The following ZNF254 variants were observed in gnomAD, a reference collection of about 807,000 sequenced individuals.
The protein encoded by ZNF254 is zinc finger protein 254.
In ZNF254, 10 loss-of-function variants were observed where a neutral mutation model predicts 12.4. The ratio of observed to expected loss-of-function variants is 0.80; its 90% CI spans 0.50 to 1.36. ZNF254 has a LOEUF of 1.36. Ranked by LOEUF, ZNF254 falls within the 40% of genes most tolerant of loss-of-function variation. ZNF254 has a pLI of 0.00. For synonymous variants in ZNF254, 305 were observed against 253.4 expected (o/e 1.20, Z -1.93); for missense variants, 996 against 763.9 (o/e 1.30, Z -3.58).
At chr19:24,055,990 T>C (rs1327532306) in intron 2 of ZNF254, among the ~76,000 whole-genome samples, 2 of 152,180 alleles carry the variant, frequency 1.3e-5, no homozygotes, top group African/African-American at 4.8e-5. Context: ...AGCACCTGAG[T>C]GATCTGACTC....
chr19:24,113,588 G>A (rs1337548437), intron 3 of ZNF254, among the ~76,000 whole-genome samples: 1 of 152,044 alleles, frequency 6.6e-6, no homozygotes, highest in South Asian at 2.1e-4. Flanking sequence ...ATACTGAATG[G>A]GCAAAAACTG....
chr19:24,070,947 A>C (rs1971458337), intron 2 of ZNF254, among the ~76,000 whole-genome samples: 1 of 152,128 alleles, frequency 6.6e-6, no homozygotes, highest in South Asian at 2.1e-4. Context: ...AGGTAATATG[A>C]ATCTCCTACC....
At chr19:24,066,332 G>A (rs1971268666) in intron 2 of ZNF254, 1 of 152,132 alleles carries the variant, frequency 6.6e-6, no homozygotes, top group African/African-American at 2.4e-5. Flanking sequence ...CTTGCTTACA[G>A]GGAAACTGTA....
Position 24,127,180 on chromosome 19 carries a change from A to T in ZNF254, c.1180A>T (p.Thr394Ser), listed in dbSNP as rs1008584926. Reference protein sequence around the residue: ...GKAFKQLSTLTTHKIIHVGEK... With the variant: ...GKAFKQLSTLSTHKIIHVGEK... Reference sequence around the variant, plus strand: ...AGCTTTTAAGCAACTCTCAACTCTTACTACACATAAAATAATTCATGTTGG... The same window carrying T: ...AGCTTTTAAGCAACTCTCAACTCTTTCTACACATAAAATAATTCATGTTGG... Residue 394 changes from threonine to serine, a missense_variant, in exon 4 of 4, where the codon ACT (threonine) becomes TCT (serine). Transcript: ENST00000357002. The T allele has an allele frequency of 6.2e-6, 10 of 1,613,580 alleles. No homozygotes were observed. The highest frequency in any genetic ancestry group is 7.6e-6 in the Non-Finnish European group (9 of 1,179,770).
In ZNF254 at chr19:24,087,210, G is replaced by T; in HGVS notation, c.-98G>T. 1 of 1,541,690 alleles carries T rather than the reference G, an allele frequency of 6.5e-7. No individual in the cohort carries two copies. On this transcript the variant is annotated 5_prime_UTR_variant, in exon 1 of 4. Coordinates refer to ENST00000357002, the MANE Select transcript of ZNF254 (RefSeq NM_203282.4). ...GGGCCTTTGTCTCTCGCTGTCGCCG[G>T]AGTCCCAGGTCTGTCTTCACTGCTC... is the stretch of plus-strand genomic sequence containing the variant.
intron 1 of ZNF254, chr19:24,098,542 C>G (rs1378788501): frequency 6.6e-6 from 1 of 152,180 alleles, no homozygotes; most frequent in Non-Finnish European, 1.5e-5. Context: ...AATATGCCCC[C>G]TTTCTTCATA....
intron 2 of ZNF254, among the ~76,000 whole-genome samples, chr19:24,069,306 C>G (rs995120240): frequency 6.7e-6 from 1 of 148,462 alleles, no homozygotes; most frequent in African/African-American, 2.5e-5. Context: ...GCTCCCAGCC[C>G]AAGATTGTGT....
At chr19:24,120,473 TTTA>T (rs1231745794) in intron 3 of ZNF254, among the ~76,000 whole-genome samples, 5 of 152,162 alleles carry the variant, frequency 3.3e-5, no homozygotes, top group African/African-American at 9.6e-5. Context: ...TATGCAGATT[TTTA>T]TTGTTTTAAA....
chr19:24,050,083 C>A (rs1970587740), intron 2 of ZNF254, among the ~76,000 whole-genome samples: 1 of 151,996 alleles, frequency 6.6e-6, no homozygotes, highest in Non-Finnish European at 1.5e-5. Flanking sequence ...CCTGCCTGGA[C>A]CCTGCCTACA....
intron 2 of ZNF254, chr19:24,064,468 C>T (rs1413843858): frequency 6.6e-6 from 1 of 152,124 alleles, no homozygotes; most frequent in Admixed American, 6.6e-5. Flanking sequence ...GCATCCAGCA[C>T]CTAAGTGATG....
At chr19:24,090,760 T>A (rs1385596764) in intron 1 of ZNF254, among the ~76,000 whole-genome samples, 1 of 152,116 alleles carries the variant, frequency 6.6e-6, no homozygotes, top group Non-Finnish European at 1.5e-5. Context: ...TAACTGTGTA[T>A]TGCATTTTAT....
chr19:24,079,367 C>G (rs745420382), intron 2 of ZNF254: 1 of 152,194 alleles, frequency 6.6e-6, no homozygotes, highest in Non-Finnish European at 1.5e-5. Flanking sequence ...TGTCCCTCCT[C>G]CCTACCCTTC....
At position 24,087,193 on chromosome 19, in the gene ZNF254, G is replaced by A. The variant is rs1356687009; in HGVS notation, c.-115G>A. The A allele has an allele frequency of 2.8e-6, 4 of 1,406,076 alleles. No homozygotes were observed. Among genetic ancestry groups the A allele is most frequent in the African/African-American group, 1.4e-5 (1 of 70,242 alleles). The allele number at this position is 1,406,076 out of a possible 1,614,324, so 87.1% of individuals were successfully genotyped here. A position where few individuals can be genotyped will look rare whatever the true frequency, so the allele number is the denominator to read the frequency against. ...GCTTCCGGGATATGGCGGGGCCTTT[G>A]TCTCTCGCTGTCGCCGGAGTCCCAG... On this transcript the variant is annotated 5_prime_UTR_variant, in exon 1 of 4. Transcript: ENST00000357002.
intron 2 of ZNF254, among the ~76,000 whole-genome samples, chr19:24,059,809 T>C (rs558173135): frequency 6.6e-6 from 1 of 152,306 alleles, no homozygotes; most frequent in East Asian, 1.9e-4. Flanking sequence ...TTAGGTGATG[T>C]AACTTGCCTT....
intron 1 of ZNF254, among the ~76,000 whole-genome samples, chr19:24,037,188 T>A (rs1442059769): frequency 6.6e-6 from 1 of 152,222 alleles, no homozygotes; most frequent in African/African-American, 2.4e-5. Flanking sequence ...GGGTCCTTGA[T>A]AGCACCTTTC....
intron 2 of ZNF254, among the ~76,000 whole-genome samples, chr19:24,077,263 C>G (rs1272877449): frequency 6.6e-6 from 1 of 152,194 alleles, no homozygotes; most frequent in Non-Finnish European, 1.5e-5. Context: ...TGTCTCTTGA[C>G]TTTCTAAAAT....
At chr19:24,091,497 T>A (rs910590971) in intron 1 of ZNF254, among the ~76,000 whole-genome samples, 2 of 152,102 alleles carry the variant, frequency 1.3e-5, no homozygotes, top group African/African-American at 4.8e-5. Context: ...TTTGTGTGTT[T>A]GATTGTTTTT....
intron 2 of ZNF254, among the ~76,000 whole-genome samples, chr19:24,080,952 T>G (rs1457513941): frequency 2.0e-5 from 3 of 150,904 alleles, no homozygotes; most frequent in African/African-American, 7.3e-5. Context: ...TGGCACATGC[T>G]TGTAATCCCA....
intron 2 of ZNF254, among the ~76,000 whole-genome samples, chr19:24,053,484 A>G (rs978748734): frequency 6.6e-6 from 1 of 151,878 alleles, no homozygotes. Context: ...TTCTGGACCC[A>G]GCATTTAGGT....
Sources: gnomAD v4.1 joint callset for allele counts (sites outside exome capture counted in the v4.1 genomes callset) on GRCh38, gnomAD v4.1.1 for gene constraint, MANE v1.5 for transcripts, NCBI Gene and HGNC (gene_info 2026-07-23, HGNC 2026-07-21) for gene names.